The following SLC9A9 variants were observed in gnomAD, a reference collection of about 807,000 sequenced individuals.
SLC9A9 encodes the protein solute carrier family 9 member A9.
A neutral mutation model predicts 77.8 loss-of-function variants in SLC9A9; 62 were observed. The observed-to-expected ratio is 0.80, with a 90% CI of 0.65 to 0.98. The LOEUF (loss-of-function observed/expected upper bound fraction) is 0.98, where lower values mean the gene tolerates loss of function less well. Among genes scored for constraint, SLC9A9 ranks in the 50% least tolerant of loss-of-function variants. The probability of loss-of-function intolerance (pLI) is 0.00; values close to 1 mark genes in which losing one functional copy is unlikely to be tolerated. For synonymous variants in SLC9A9, 320 were observed against 283.5 expected (o/e 1.13, Z -1.29); for missense variants, 775 against 774.9 (o/e 1.00, Z 0.00).
intron 14 of SLC9A9, among the ~76,000 whole-genome samples, chr3:143,324,772 C>T (rs1001790629): frequency 7.2e-5 from 11 of 152,176 alleles, no homozygotes; most frequent in Admixed American, 5.9e-4. Flanking sequence ...CAGTGAGCCA[C>T]GATTGCACCA....
intron 14 of SLC9A9, among the ~76,000 whole-genome samples, chr3:143,354,463 C>A (rs1324771116): frequency 6.6e-6 from 1 of 152,180 alleles, no homozygotes; most frequent in Non-Finnish European, 1.5e-5. Context: ...GCTTCACATG[C>A]AGACAAATGC....
chr3:143,831,914 C>CAT, intron 2 of SLC9A9, 105 bp downstream of exon 2: 1 of 995,202 alleles, frequency 1.0e-6, no homozygotes, highest in South Asian at 1.5e-5. Flanking sequence ...TTAAAATAGG[C>CAT]ATATATGTGT....
intron 4 of SLC9A9, among the ~76,000 whole-genome samples, chr3:143,701,181 A>G (rs1009983646): frequency 6.6e-6 from 1 of 152,228 alleles, no homozygotes; most frequent in African/African-American, 2.4e-5. Context: ...TCCAAGAAAT[A>G]TGGGTACTAT....
At chr3:143,437,285 C>T (rs542592989) in intron 12 of SLC9A9, among the ~76,000 whole-genome samples, 1 of 152,224 alleles carries the variant, frequency 6.6e-6, no homozygotes, top group Non-Finnish European at 1.5e-5. Flanking sequence ...ATTGTATTTT[C>T]TTGATTCCTA....
intron 13 of SLC9A9, among the ~76,000 whole-genome samples, chr3:143,378,146 T>C (rs989869914): frequency 6.6e-6 from 1 of 152,220 alleles, no homozygotes; most frequent in South Asian, 2.1e-4. Flanking sequence ...AGTTTACCTT[T>C]TTCTTATCAG....
At chr3:143,626,066 A>T (rs1415580283) in intron 6 of SLC9A9, among the ~76,000 whole-genome samples, 2 of 152,248 alleles carry the variant, frequency 1.3e-5, no homozygotes, top group Non-Finnish European at 2.9e-5. Context: ...CCACAATGAG[A>T]TACCATCTCA....
At chr3:143,841,798 G>T (rs113859935) in intron 1 of SLC9A9, among the ~76,000 whole-genome samples, 5 of 50,444 alleles carry the variant, frequency 9.9e-5, no homozygotes, top group African/African-American at 2.9e-4. Flanking sequence ...CCGTCACCTA[G>T]GTTGGAGTGC....
chr3:143,690,714 G>C (rs1933436677), intron 5 of SLC9A9, among the ~76,000 whole-genome samples: 1 of 152,010 alleles, frequency 6.6e-6, no homozygotes, highest in Non-Finnish European at 1.5e-5. Flanking sequence ...GTTTTTAGGA[G>C]GTCATCTCAT....
Position 143,467,092 on chromosome 3 carries a change from T to G in SLC9A9, c.1414A>C (p.Thr472Pro), listed in dbSNP as rs2035292494. Residue 472 changes from threonine (T) to proline (P), a missense_variant, in exon 12 of 16, where the codon ACT (threonine) becomes CCT (proline). Transcript: ENST00000316549. ...GTTCCTCCTCCAAATACCCAGACAG[T>G]GAAGAACACGAGGAGCAGCGTAGTG... ...FTTTLLLVFF[T>P]VWVFGGGTTP... 1 of 1,613,958 alleles carries G rather than the reference T, an allele frequency of 6.2e-7. No homozygotes were observed. Among genetic ancestry groups the G allele is most frequent in the African/African-American group, 1.3e-5 (1 of 74,934 alleles).
chr3:143,719,336 C>T (rs1327340455), intron 4 of SLC9A9, among the ~76,000 whole-genome samples: 1 of 150,982 alleles, frequency 6.6e-6, no homozygotes, highest in Non-Finnish European at 1.5e-5. Context: ...GGCAAGAGGC[C>T]TGATGATGAA....
intron 11 of SLC9A9, among the ~76,000 whole-genome samples, chr3:143,485,256 T>G (rs1194866586): frequency 1.3e-5 from 2 of 152,134 alleles, no homozygotes; most frequent in Non-Finnish European, 1.5e-5. Context: ...GCAGACAAAA[T>G]CGCCACCATT....
chr3:143,697,098 T>C (rs6776287), intron 4 of SLC9A9, among the ~76,000 whole-genome samples: 64,280 of 151,378 alleles, frequency 0.42, 13,854 homozygotes, highest in South Asian at 0.6. Context: ...ATACATATGA[T>C]GACAGACTAA....
At chr3:143,784,524 ATTTTTTT>A (rs10715558) in intron 4 of SLC9A9, among the ~76,000 whole-genome samples, 1 of 139,104 alleles carries the variant, frequency 7.2e-6, no homozygotes, top group African/African-American at 2.6e-5. Context: ...AAAATTTGTA[ATTTTTTT>A]TTTTTTTTTG....
At chr3:143,323,063 A>C (rs949302096) in intron 14 of SLC9A9, among the ~76,000 whole-genome samples, 2 of 152,210 alleles carry the variant, frequency 1.3e-5, no homozygotes, top group African/African-American at 4.8e-5. Context: ...GCTGTTATTA[A>C]ATAGACAAAA....
intron 9 of SLC9A9, among the ~76,000 whole-genome samples, chr3:143,523,402 CA>C (rs1355725354): frequency 4.6e-5 from 7 of 152,082 alleles, no homozygotes; most frequent in Admixed American, 2.0e-4. Flanking sequence ...CAGAAAAAAT[CA>C]ATAAGTAAAA....
intron 5 of SLC9A9, among the ~76,000 whole-genome samples, chr3:143,673,337 T>C (rs1475782830): frequency 6.6e-6 from 1 of 152,146 alleles, no homozygotes; most frequent in Non-Finnish European, 1.5e-5. Context: ...GCATATTCTG[T>C]GTCCATGCAC....
chr3:143,638,421 T>C (rs565109148), intron 6 of SLC9A9, among the ~76,000 whole-genome samples: 1 of 152,362 alleles, frequency 6.6e-6, no homozygotes, highest in South Asian at 2.1e-4. Flanking sequence ...GTCTAAATTC[T>C]ATGTGAGTTA....
intron 13 of SLC9A9, among the ~76,000 whole-genome samples, chr3:143,364,056 G>A (rs955257338): frequency 4.6e-5 from 7 of 152,080 alleles, no homozygotes; most frequent in Non-Finnish European, 4.4e-5. Flanking sequence ...GAAGAGTTTT[G>A]AAATAGATAT....
chr3:143,524,256 A>C (rs954102805), intron 9 of SLC9A9, among the ~76,000 whole-genome samples: 1 of 152,064 alleles, frequency 6.6e-6, no homozygotes, highest in Non-Finnish European at 1.5e-5. Flanking sequence ...GGATGACCCA[A>C]CTCACTGAGA....
Sources: allele counts gnomAD v4.1 joint callset (sites outside exome capture counted in the v4.1 genomes callset), GRCh38; gene constraint gnomAD v4.1.1; transcripts MANE v1.5; gene names NCBI Gene and HGNC (gene_info 2026-07-23, HGNC 2026-07-21).